ELL2: variants seen among roughly 807,000 people sequenced by gnomAD.
ELL2 encodes the protein elongation factor for RNA polymerase II 2, also known as RNA polymerase II elongation factor ELL2.
A neutral mutation model predicts 72.8 loss-of-function variants in ELL2; 21 were observed. That is an observed-to-expected ratio of 0.29 (90% CI 0.20 to 0.42). The LOEUF is 0.42. Ranked by LOEUF, ELL2 falls within the 10% of genes least tolerant of loss-of-function variation. ELL2 has a pLI of 1.00. For synonymous variants in ELL2, 266 were observed against 283.2 expected (o/e 0.94, Z 0.61); for missense variants, 568 against 772.8 (o/e 0.73, Z 3.14).
chr5:95,887,374 A>G lies in ELL2; in HGVS notation c.*1497T>C, dbSNP rs370789643. On this transcript the variant is annotated 3_prime_UTR_variant, in exon 12 of 12. Coordinates refer to ENST00000237853, the MANE Select transcript of ELL2 (RefSeq NM_012081.6). Reference sequence around the variant, plus strand: ...ATTTTTCTGGTTTACAGTGATACACAACAAAGTTATTCATTTATTTTTCTG... The same window carrying G: ...ATTTTTCTGGTTTACAGTGATACACGACAAAGTTATTCATTTATTTTTCTG... The G allele has an allele frequency of 5.9e-5, 9 of 152,658 alleles. No individual in the cohort carries two copies. The highest frequency in any genetic ancestry group is 1.7e-4 in the African/African-American group (7 of 41,466). The allele number at this position is 152,658 out of a possible 1,614,324, so 9.5% of individuals were successfully genotyped here. A position where few individuals can be genotyped will look rare whatever the true frequency, so the allele number is the denominator to read the frequency against.
chr5:95,889,691 G>T (rs1441529334), intron 10 of ELL2, among the ~76,000 whole-genome samples: 1 of 152,006 alleles, frequency 6.6e-6, no homozygotes, highest in Admixed American at 6.6e-5. Flanking sequence ...AAGTTATTGG[G>T]CATAAAACAA....
At chr5:95,926,804 A>T (rs1178756060) in intron 2 of ELL2, among the ~76,000 whole-genome samples, 1 of 152,224 alleles carries the variant, frequency 6.6e-6, no homozygotes, top group East Asian at 1.9e-4. Flanking sequence ...AGAAAATATC[A>T]TCGACGGCAA....
intron 4 of ELL2, among the ~76,000 whole-genome samples, chr5:95,908,396 A>T (rs1226761120): frequency 6.6e-6 from 1 of 152,180 alleles, no homozygotes; most frequent in African/African-American, 2.4e-5. Context: ...ATTAATACCT[A>T]ATTTTCCTGC....
At chr5:95,943,252 C>A (rs769931059) in intron 1 of ELL2, among the ~76,000 whole-genome samples, 2 of 148,766 alleles carry the variant, frequency 1.3e-5, no homozygotes, top group Admixed American at 6.7e-5. Context: ...GAGACCTCCC[C>A]CTCCATCTCT....
rs1262487361 is a variant in ELL2, at chr5:95,927,418, T to G, written c.196-7873A>C. ...ATAGACATACACACACGTGTGTATA[T>G]AGACATACACACACACGTGTGTATA... is the stretch of plus-strand genomic sequence containing the variant. On this transcript the variant is annotated intron_variant, in intron 2 of 11. Transcript: ENST00000237853. Among the ~76,000 whole-genome samples, 8 of 66,404 alleles carry G rather than the reference T, an allele frequency of 1.2e-4. 1 individual carries two copies. Among genetic ancestry groups the G allele is most frequent in the Non-Finnish European group, 2.1e-4 (8 of 37,902 alleles). The allele number at this position is 66,404 out of a possible 152,430, so 43.6% of individuals were successfully genotyped here.
chr5:95,949,700 CAA>C (rs56376316), intron 1 of ELL2, among the ~76,000 whole-genome samples: 43,212 of 132,098 alleles, frequency 0.33, 6,788 homozygotes, highest in African/African-American at 0.45. Context: ...AAAGATACTG[CAA>C]AAAAAAAAAA....
chr5:95,895,700 A>G lies in ELL2; in HGVS notation c.1526-9T>C, dbSNP rs774306920. 2 of 1,610,538 alleles carry G rather than the reference A, an allele frequency of 1.2e-6. No individual in the cohort carries two copies. The highest frequency in any genetic ancestry group is 2.7e-5 in the African/African-American group (2 of 74,896). ...GCAATCCTCTTTAACTCCTATGAAG[A>G]AAAAAAACAAAATCAGAGCATTCAT... On this transcript the variant is annotated splice_polypyrimidine_tract_variant and intron_variant, in intron 8 of 11. Coordinates refer to ENST00000237853, the MANE Select transcript of ELL2 (RefSeq NM_012081.6).
In ELL2 at chr5:95,900,775, A is replaced by AATC; in HGVS notation, c.871_872insGAT (p.Lys290_Leu291insArg). 5.0e-6 allele frequency: 8 copies of AATC among 1,606,338 alleles called. No homozygotes were observed. The highest frequency in any genetic ancestry group is 5.1e-6 in the Non-Finnish European group (6 of 1,177,250). ...GCCTGCAGCATTCTGAGACGGATTT[A>AATC]GTTTTCTGTAAAGGACACACATGTT... On this transcript the variant is annotated inframe_insertion, in exon 7 of 12. Transcript: ENST00000237853.
intron 7 of ELL2, among the ~76,000 whole-genome samples, chr5:95,899,637 A>T (rs556512836): frequency 6.6e-5 from 10 of 152,358 alleles, no homozygotes; most frequent in African/African-American, 2.4e-4. Context: ...ATAAAATATA[A>T]ATTCACATTT....
chr5:95,925,342 T>C (rs1750245068), intron 2 of ELL2, among the ~76,000 whole-genome samples: 1 of 152,168 alleles, frequency 6.6e-6, no homozygotes, highest in African/African-American at 2.4e-5. Context: ...CAATGAGGCT[T>C]AGTGATTTGT....
chr5:95,961,846 T>C lies in ELL2; in HGVS notation c.-125A>G, dbSNP rs575308858. 6 of 1,263,896 alleles carry C rather than the reference T, an allele frequency of 4.7e-6. No individual in the cohort carries two copies. The highest frequency in any genetic ancestry group is 3.4e-5 in the Admixed American group (1 of 29,048). The allele number at this position is 1,263,896 out of a possible 1,614,324, so 78.3% of individuals were successfully genotyped here. A position where few individuals can be genotyped will look rare whatever the true frequency, so the allele number is the denominator to read the frequency against. On this transcript the variant is annotated 5_prime_UTR_variant, in exon 1 of 12. In the 5' UTR this introduces an upstream ATG that the reference lacks. Coordinates refer to ENST00000237853, the MANE Select transcript of ELL2 (RefSeq NM_012081.6). The stretch of plus-strand genomic sequence containing the variant: ...CCATCCCGCTGCTGACGTACTGTCA[T>C]ATACTGCGCGGAGCCAGACCTCGGA...
chr5:95,924,715 C>T (rs1453415274), intron 2 of ELL2, among the ~76,000 whole-genome samples: 1 of 152,296 alleles, frequency 6.6e-6, no homozygotes, highest in South Asian at 2.1e-4. Context: ...GGACCACAAT[C>T]CACAACCCTC....
intron 2 of ELL2, 56 bp from the exon 3 acceptor site, chr5:95,919,601 G>T: frequency 6.7e-7 from 1 of 1,498,672 alleles, no homozygotes; most frequent in Non-Finnish European, 8.8e-7. Context: ...CCATAGAAAA[G>T]TCTTAAGACT....
intron 1 of ELL2, among the ~76,000 whole-genome samples, chr5:95,957,017 G>T (rs10037471): frequency 3.9e-5 from 6 of 152,190 alleles, no homozygotes; most frequent in African/African-American, 1.4e-4. Flanking sequence ...GATCTTCAGG[G>T]ATAGAGCAGG....
Position 95,915,387 on chromosome 5 carries a change from A to T in ELL2, c.318-1453T>A, listed in dbSNP as rs1393452747. ...AGTGCTGGGATTACAGGCGTGAGCC[A>T]CCGCACCTGGCTGATAAAATCTTTA... On this transcript the variant is annotated intron_variant, in intron 3 of 11. Coordinates refer to ENST00000237853, the MANE Select transcript of ELL2 (RefSeq NM_012081.6). 2.6e-5 allele frequency among the ~76,000 whole-genome samples: 4 copies of T among 152,400 alleles called. No individual in the cohort carries two copies. The East Asian group carries it at 7.7e-4, about 29-fold the overall frequency.
At chr5:95,931,390 C>G (rs1750594363) in intron 2 of ELL2, among the ~76,000 whole-genome samples, 1 of 152,048 alleles carries the variant, frequency 6.6e-6, no homozygotes, top group African/African-American at 2.4e-5. Context: ...TTGGGGAGCT[C>G]CCACTCCAAT....
At chr5:95,958,673 G>A (rs571127272) in intron 1 of ELL2, among the ~76,000 whole-genome samples, 3 of 152,104 alleles carry the variant, frequency 2.0e-5, no homozygotes, top group Non-Finnish European at 4.4e-5. Context: ...GCATGCCACT[G>A]TTTCTACCAC....
At chr5:95,901,105 C>A (rs1479664992) in intron 5 of ELL2, 25 bp from the exon 6 acceptor site, 3 of 1,576,304 alleles carry the variant, frequency 1.9e-6, no homozygotes, top group Non-Finnish European at 2.6e-6. Context: ...AAAAACAGAG[C>A]ATTAGGTATT....
At chr5:95,901,554 G>A (rs1467670862) in intron 5 of ELL2, among the ~76,000 whole-genome samples, 1 of 127,718 alleles carries the variant, frequency 7.8e-6, no homozygotes, top group Non-Finnish European at 1.6e-5. Flanking sequence ...GGCATGGTAA[G>A]AGATTAACAA....
Sources: gnomAD v4.1 joint callset for allele counts (sites outside exome capture counted in the v4.1 genomes callset) on GRCh38, gnomAD v4.1.1 for gene constraint, MANE v1.5 for transcripts, NCBI Gene and HGNC (gene_info 2026-07-23, HGNC 2026-07-21) for gene names.